The following FRAS1 variants were observed in gnomAD, a reference collection of about 807,000 sequenced individuals.
FRAS1 encodes the protein extracellular matrix organizing protein FRAS1.
A neutral mutation model predicts 435.2 loss-of-function variants in FRAS1; 290 were observed. The ratio of observed to expected loss-of-function variants is 0.67; its 90% CI spans 0.61 to 0.73. FRAS1 has a LOEUF of 0.73. Among genes scored for constraint, FRAS1 ranks in the 30% least tolerant of loss-of-function variants. The pLI, the probability that FRAS1 is intolerant of heterozygous loss-of-function variation, is 0.00. For synonymous variants in FRAS1, 1,800 were observed against 1,851.0 expected (o/e 0.97, Z 0.71); for missense variants, 4,860 against 5,001.5 (o/e 0.97, Z 0.85).
chr4:78,315,541 G>A (rs1180347138), intron 15 of FRAS1, 53 bp from the exon 16 acceptor site: 3 of 1,546,024 alleles, frequency 1.9e-6, no homozygotes, highest in East Asian at 2.3e-5. Flanking sequence ...AGACTTCACT[G>A]CTTCTTTTGC....
At chr4:78,252,816 G>A (rs1334846941) in intron 5 of FRAS1, among the ~76,000 whole-genome samples, 5 of 152,070 alleles carry the variant, frequency 3.3e-5, no homozygotes, top group Admixed American at 2.0e-4. Flanking sequence ...GGGGGTGTAC[G>A]AACAGGGAGT....
intron 2 of FRAS1, among the ~76,000 whole-genome samples, chr4:78,113,672 GTTGT>G (rs1336189911): frequency 6.6e-6 from 1 of 152,268 alleles, no homozygotes; most frequent in African/African-American, 2.4e-5. Flanking sequence ...TGTTGATGGG[GTTGT>G]TTGTTTTTTT....
At chr4:78,137,948 G>A (rs1267626186) in intron 2 of FRAS1, among the ~76,000 whole-genome samples, 6 of 152,182 alleles carry the variant, frequency 3.9e-5, no homozygotes, top group East Asian at 1.9e-4. Flanking sequence ...ACAGAAGGCC[G>A]GATGAATGGT....
chr4:78,217,081 C>CTAGATAGA (rs10522971), intron 2 of FRAS1, among the ~76,000 whole-genome samples: 29 of 151,402 alleles, frequency 1.9e-4, no homozygotes, highest in South Asian at 4.2e-4. Context: ...AGCTAGATAA[C>CTAGATAGA]TAGATAGATA....
chr4:78,222,321 T>C (rs1344708395), intron 2 of FRAS1, among the ~76,000 whole-genome samples: 2 of 152,268 alleles, frequency 1.3e-5, no homozygotes, highest in African/African-American at 4.8e-5. Flanking sequence ...CACTGTGTGG[T>C]CTCCTGCTTA....
At chr4:78,234,989 G>A (rs994058642) in intron 2 of FRAS1, among the ~76,000 whole-genome samples, 9 of 152,160 alleles carry the variant, frequency 5.9e-5, no homozygotes, top group African/African-American at 1.4e-4. Flanking sequence ...TGGCTCATGC[G>A]ATCATTGCGA....
At chr4:78,233,785 G>C (rs1047724997) in intron 2 of FRAS1, among the ~76,000 whole-genome samples, 2 of 152,208 alleles carry the variant, frequency 1.3e-5, no homozygotes, top group Non-Finnish European at 2.9e-5. Context: ...TAGTCAGTCT[G>C]TCTCCAGAGC....
At chr4:78,323,268 G>C (rs1008508151) in intron 18 of FRAS1, among the ~76,000 whole-genome samples, 2 of 152,190 alleles carry the variant, frequency 1.3e-5, no homozygotes, top group Non-Finnish European at 1.5e-5. Flanking sequence ...TCAATAATCA[G>C]TCCGAATTGT....
rs759445915 is a variant in FRAS1 at position 78,441,223 on chromosome 4, A to G, written c.5591A>G (p.Asp1864Gly). 9.3e-6 allele frequency: 15 copies of G among 1,613,570 alleles called. No individual in the cohort carries two copies. Among genetic ancestry groups the G allele is most frequent in the Non-Finnish European group, 1.3e-5 (15 of 1,179,546 alleles). Residue 1864 changes from aspartate (D) to glycine (G), a missense_variant, in exon 41 of 74, where the codon GAC becomes GGC. Transcript: ENST00000512123. ...CATTTTTTTGCTACTGATGATGATG[A>G]CAACCTCCAGAGAGATGCCATCATT... ...FHHFFATDDDDNLQRDAIIKL... is the reference protein window; with the variant it reads ...FHHFFATDDDGNLQRDAIIKL...
intron 31 of FRAS1, among the ~76,000 whole-genome samples, 183 bp downstream of exon 31, chr4:78,408,024 A>G (rs1230463030): frequency 2.6e-5 from 4 of 152,206 alleles, no homozygotes; most frequent in African/African-American, 9.6e-5. Context: ...ACAGAAAAAG[A>G]GGTTTAATGG....
chr4:78,081,864 G>T lies in FRAS1; in HGVS notation c.108+15848G>T, dbSNP rs192977579. 1.5e-3 allele frequency among the ~76,000 whole-genome samples: 232 copies of T among 152,060 alleles called. 2 individuals are homozygous for T. The highest frequency in any genetic ancestry group is 2.7e-3 in the Non-Finnish European group (182 of 67,964). The stretch of plus-strand genomic sequence containing the variant: ...TCAAAGAACCCTGGTTTGTTTTTTG[G>T]CATTCTCCTTCCTTACGCCATATCC... On this transcript the variant is annotated intron_variant, in intron 2 of 73. Transcript: ENST00000512123.
At chr4:78,410,214 A>C (rs1021063342) in intron 31 of FRAS1, among the ~76,000 whole-genome samples, 1 of 152,200 alleles carries the variant, frequency 6.6e-6, no homozygotes, top group African/African-American at 2.4e-5. Flanking sequence ...TGGAAGGGGA[A>C]TCTAAGTAGC....
At chr4:78,333,189 G>T in intron 18 of FRAS1, 83 bp from the exon 19 acceptor site, 2 of 1,468,506 alleles carry the variant, frequency 1.4e-6, no homozygotes, top group East Asian at 2.4e-5. Flanking sequence ...TCTGACCCAG[G>T]AATGTTAATG....
chr4:78,363,825 G>A (rs771829179), intron 21 of FRAS1, 83 bp from the exon 22 acceptor site: 63 of 1,495,568 alleles, frequency 4.2e-5, no homozygotes, highest in Non-Finnish European at 5.5e-5. Flanking sequence ...TCAGTGTTGG[G>A]ACTTTATTAC....
chr4:78,318,969 G>A lies in FRAS1; in HGVS notation c.2120G>A (p.Ser707Asn). 2 of 1,613,740 alleles carry A rather than the reference G, an allele frequency of 1.2e-6. No homozygotes were observed. The highest frequency in any genetic ancestry group is 1.7e-6 in the Non-Finnish European group (2 of 1,179,808). Residue 707 changes from serine to asparagine, a missense_variant, in exon 18 of 74, where the codon AGC becomes AAC. Coordinates refer to ENST00000512123, the MANE Select transcript of FRAS1 (RefSeq NM_025074.7). Reference sequence around the variant, plus strand: ...TGTAGAGCCCATTTTTACTTGGAGAGCACTGGCATATGTGAAGGTAAGCAT... The same window carrying A: ...TGTAGAGCCCATTTTTACTTGGAGAACACTGGCATATGTGAAGGTAAGCAT... ...AQCRAHFYLE[S>N]TGICEACHQS... is the part of the protein sequence containing the mutation.
chr4:78,108,872 A>G lies in FRAS1; in HGVS notation c.108+42856A>G, dbSNP rs1428742267. On this transcript the variant is annotated intron_variant, in intron 2 of 73. Coordinates refer to ENST00000512123, the MANE Select transcript of FRAS1 (RefSeq NM_025074.7). ...CGCTAGCAAGATGACAAAGAAAAAA[A>G]GAGAGAAGAATCAAATAGACACAAT... 3.1e-5 allele frequency among the ~76,000 whole-genome samples: 4 copies of G among 129,814 alleles called. 1 individual carries two copies. The highest frequency in any genetic ancestry group is 6.5e-5 in the Non-Finnish European group (4 of 61,570). 85.2% of individuals were successfully genotyped at this position (129,814 alleles called of 152,430 possible).
chr4:78,295,152 C>A (rs1185473864), intron 14 of FRAS1, among the ~76,000 whole-genome samples: 1 of 152,120 alleles, frequency 6.6e-6, no homozygotes, highest in Non-Finnish European at 1.5e-5. Context: ...TTTAGCCAAT[C>A]CTCTATGGTT....
chr4:78,338,082 A>T (rs1173011053), intron 20 of FRAS1: 4 of 393,236 alleles, frequency 1.0e-5, no homozygotes, highest in Non-Finnish European at 9.4e-6. Flanking sequence ...TGATAATAGC[A>T]CCTTTATATG....
intron 2 of FRAS1, among the ~76,000 whole-genome samples, chr4:78,114,272 A>C (rs10007168): frequency 0.22 from 32,967 of 152,084 alleles, 3,929 homozygotes; most frequent in Admixed American, 0.29. Context: ...TGATGCCTCC[A>C]GCTTTGTTCT....
Sources: gnomAD v4.1 joint callset for allele counts (sites outside exome capture counted in the v4.1 genomes callset) on GRCh38, gnomAD v4.1.1 for gene constraint, MANE v1.5 for transcripts, NCBI Gene and HGNC (gene_info 2026-07-23, HGNC 2026-07-21) for gene names.